Variants in NETO2 observed in about 807,000 individuals in gnomAD.
NETO2 encodes the protein neuropilin and tolloid like 2.
In NETO2, 28 loss-of-function variants were observed where a neutral mutation model predicts 62.5. The observed-to-expected ratio is 0.45, with a 90% confidence interval of 0.33 to 0.61. The LOEUF (loss-of-function observed/expected upper bound fraction) is 0.61. Among genes scored for constraint, NETO2 ranks in the 20% least tolerant of loss-of-function variants. NETO2 has a pLI of 0.02. For synonymous variants in NETO2, 214 were observed against 219.1 expected, an observed-to-expected ratio of 0.98 and a Z score of 0.21; for missense variants, 548 against 643.2, an observed-to-expected ratio of 0.85 and a Z score of 1.60.
intron 4 of NETO2, among the ~76,000 whole-genome samples, chr16:47,126,779 A>C (rs1214219526): frequency 1.3e-5 from 2 of 152,228 alleles, no homozygotes; most frequent in Non-Finnish European, 2.9e-5. Flanking sequence ...CTAAAAAATA[A>C]AGTCTATTAG....
chr16:47,103,221 A>AT (rs1160170311), intron 7 of NETO2, among the ~76,000 whole-genome samples: 1 of 152,228 alleles, frequency 6.6e-6, no homozygotes, highest in East Asian at 1.9e-4. Flanking sequence ...GTTCTCACTC[A>AT]TAAGTGGGAG....
chr16:47,087,623 TA>T (rs975965931), intron 7 of NETO2, among the ~76,000 whole-genome samples: 1 of 152,074 alleles, frequency 6.6e-6, no homozygotes, highest in African/African-American at 2.4e-5. Flanking sequence ...TTACCCATAA[TA>T]AAAAAAATCC....
chr16:47,092,800 G>A (rs915045897), intron 7 of NETO2, among the ~76,000 whole-genome samples: 4 of 152,152 alleles, frequency 2.6e-5, no homozygotes, highest in Non-Finnish European at 4.4e-5. Context: ...AAATGCCACC[G>A]TGAGCTCCCG....
At chr16:47,143,481 T>A in intron 1 of NETO2, 98 bp downstream of exon 1, 5 of 1,187,836 alleles carry the variant, frequency 4.2e-6, no homozygotes, top group Non-Finnish European at 5.2e-6. Flanking sequence ...GCGCGTCGGG[T>A]CCCGGGCGCG....
chr16:47,134,692 G>T (rs953654828), intron 1 of NETO2, among the ~76,000 whole-genome samples: 7 of 152,126 alleles, frequency 4.6e-5, no homozygotes, highest in African/African-American at 1.7e-4. Flanking sequence ...ACCACACAAA[G>T]CCAGCAGACA....
At chr16:47,106,575 T>A (rs1963680282) in intron 7 of NETO2, among the ~76,000 whole-genome samples, 1 of 152,160 alleles carries the variant, frequency 6.6e-6, no homozygotes, top group Non-Finnish European at 1.5e-5. Context: ...TAGGAATTTA[T>A]CCTGAAGATA....
intron 8 of NETO2, among the ~76,000 whole-genome samples, chr16:47,084,385 A>G (rs1963140002): frequency 6.6e-6 from 1 of 152,184 alleles, no homozygotes; most frequent in African/African-American, 2.4e-5. Context: ...TGGGCCACAG[A>G]CAGGAACTGG....
Position 47,129,325 on chromosome 16 carries a change from T to G in NETO2, c.131A>C (p.Gln44Pro), listed in dbSNP as rs774409141. ...GCTGGTTCGAACCCAAATGCCACAC[T>G]GGGTTGCAGGAATATGCTTGATTCC... ...NIGIKHIPAT[Q>P]CGIWVRTSNG... The change falls in exon 3 of 9, where the codon CAG becomes CCG. Residue 44 changes from glutamine (Q) to proline (P), a missense_variant. Gln to Pro is a moderately conservative substitution (Grantham distance 76). Transcript: ENST00000562435. The G allele has an allele frequency of 6.2e-7, 1 of 1,614,050 alleles. No homozygotes were observed. Among genetic ancestry groups the G allele is most frequent in the South Asian group, 1.1e-5 (1 of 91,080 alleles).
chr16:47,086,443 C>A (rs1377364320), intron 7 of NETO2, 104 bp from the exon 8 acceptor site: 6 of 694,712 alleles, frequency 8.6e-6, no homozygotes, highest in African/African-American at 1.8e-5. Context: ...ACCGCAAAGG[C>A]CTTTCCTTGA....
At chr16:47,107,997 G>A (rs1449856873) in intron 7 of NETO2, among the ~76,000 whole-genome samples, 2 of 151,998 alleles carry the variant, frequency 1.3e-5, no homozygotes, top group African/African-American at 4.8e-5. Context: ...GGCTGGTCTC[G>A]AACTCCTGAC....
chr16:47,135,301 C>T (rs1433473340), intron 1 of NETO2, among the ~76,000 whole-genome samples: 1 of 152,140 alleles, frequency 6.6e-6, no homozygotes, highest in Non-Finnish European at 1.5e-5. Flanking sequence ...ATCTAGGTGC[C>T]ACTGTTTCCT....
At position 47,081,846 on chromosome 16, in the gene NETO2, A is replaced by T. The variant is rs1030345834; in HGVS notation, c.*1375T>A. The stretch of plus-strand genomic sequence containing the variant: ...ATTTGTGTAGTGATTTAGAGCATAA[A>T]TATCACACAGTGAAAAATTTATCAC... On this transcript the variant is annotated 3_prime_UTR_variant, in exon 9 of 9. Coordinates refer to ENST00000562435, the MANE Select transcript of NETO2 (RefSeq NM_018092.5). 6.6e-6 allele frequency: 1 copy of T among 152,548 alleles called. No individual in the cohort carries two copies. Among genetic ancestry groups the T allele is most frequent in the Non-Finnish European group, 1.5e-5 (1 of 68,002 alleles). The allele number at this position is 152,548 out of a possible 1,614,324, so 9.4% of individuals were successfully genotyped here.
intron 7 of NETO2, among the ~76,000 whole-genome samples, chr16:47,097,003 C>G (rs940818791): frequency 1.3e-5 from 2 of 152,348 alleles, no homozygotes; most frequent in African/African-American, 4.8e-5. Context: ...AGATACTACA[C>G]TTTTCCCATG....
chr16:47,128,691 TAGTG>T (rs1964206441), intron 3 of NETO2, 118 bp from the exon 4 acceptor site: 1 of 1,051,310 alleles, frequency 9.5e-7, no homozygotes, highest in East Asian at 2.4e-5. Flanking sequence ...ACAAAGGTCT[TAGTG>T]AGAATTGCTA....
chr16:47,140,243 A>C (rs371950832), intron 1 of NETO2, among the ~76,000 whole-genome samples: 1 of 152,122 alleles, frequency 6.6e-6, no homozygotes, highest in African/African-American at 2.4e-5. Context: ...ATTGGATTAG[A>C]CCACCTCTTA....
chr16:47,088,102 A>AT (rs923185675), intron 7 of NETO2, among the ~76,000 whole-genome samples: 15 of 151,290 alleles, frequency 9.9e-5, no homozygotes, highest in Non-Finnish European at 1.6e-4. Flanking sequence ...AACCTTAGCA[A>AT]TTTTTTTTTC....
At chr16:47,084,685 G>A (rs1487024837) in intron 8 of NETO2, among the ~76,000 whole-genome samples, 2 of 152,152 alleles carry the variant, frequency 1.3e-5, no homozygotes, top group South Asian at 2.1e-4. Flanking sequence ...CAAGAAGTGA[G>A]GCAGCTTATT....
intron 2 of NETO2, 98 bp downstream of exon 2, chr16:47,131,871 A>T: frequency 1.0e-6 from 1 of 980,546 alleles, no homozygotes. Context: ...GAACACCCCA[A>T]AGGGATTATG....
Position 47,083,003 on chromosome 16 carries a change from A to G in NETO2, c.*218T>C, listed in dbSNP as rs1963100440. 1 of 470,354 alleles carries G rather than the reference A, an allele frequency of 2.1e-6. No homozygotes were observed. Among genetic ancestry groups the G allele is most frequent in the South Asian group, 5.3e-5 (1 of 18,760 alleles). The allele number at this position is 470,354 out of a possible 1,614,324, so 29.1% of individuals were successfully genotyped here. ...CTATAAATGACACCAAGCAATAGAG[A>G]TGATTATTGTTTCCACTGAATAGAG... On this transcript the variant is annotated 3_prime_UTR_variant, in exon 9 of 9. Transcript: ENST00000562435.
Sources: allele counts gnomAD v4.1 joint callset (sites outside exome capture counted in the v4.1 genomes callset), GRCh38; gene constraint gnomAD v4.1.1; transcripts MANE v1.5; gene names NCBI Gene and HGNC (gene_info 2026-07-23, HGNC 2026-07-21).